Variants in PRSS23 observed in about 807,000 individuals in gnomAD.
The protein encoded by PRSS23 is serine protease 23.
Under a neutral mutation model 34.7 loss-of-function variants are expected in PRSS23, and 25 were observed. The observed-to-expected ratio is 0.72, with a 90% CI of 0.53 to 1.01. The LOEUF (loss-of-function observed/expected upper bound fraction) is 1.01, where lower values mean the gene tolerates loss of function less well. Ranked by LOEUF, PRSS23 falls within the 50% of genes least tolerant of loss-of-function variation. PRSS23 has a pLI of 0.00. For synonymous variants in PRSS23, 176 were observed against 186.6 expected, an observed-to-expected ratio of 0.94 and a Z score of 0.46; for missense variants, 445 against 475.6, an observed-to-expected ratio of 0.94 and a Z score of 0.60.
intron 2 of PRSS23, chr11:86,934,201 C>G (rs918418409): frequency 2.0e-5 from 3 of 152,176 alleles, no homozygotes; most frequent in Non-Finnish European, 2.9e-5. Flanking sequence ...CAAACCCATA[C>G]TCTCTCACCG....
chr11:86,799,085 G>C (rs1358636783), upstream of PRSS23, among the ~76,000 whole-genome samples: 1 of 152,108 alleles, frequency 6.6e-6, no homozygotes, highest in African/African-American at 2.4e-5. Flanking sequence ...GAAAATATCA[G>C]TTTCCTTTCT....
At chr11:86,844,563 T>G (rs11234826) in intron 2 of PRSS23, among the ~76,000 whole-genome samples, 2,589 of 152,338 alleles carry the variant, frequency 0.017, 77 homozygotes, top group South Asian at 0.092. Flanking sequence ...GTCTAAAATG[T>G]GTGTCAGTCC....
intron 2 of PRSS23, among the ~76,000 whole-genome samples, chr11:86,898,070 A>G (rs1232716141): frequency 6.6e-6 from 1 of 152,214 alleles, no homozygotes; most frequent in Non-Finnish European, 1.5e-5. Context: ...TTAACACCAA[A>G]TCTCTGATTT....
rs772195655 is a variant in PRSS23, at chr11:86,807,877, C to T, written c.234C>T (p.Tyr78=). Residue 78 remains tyrosine (Y), a synonymous_variant, in exon 2 of 2, where the codon TAC becomes TAT. Coordinates refer to ENST00000280258, the MANE Select transcript of PRSS23 (RefSeq NM_007173.6). ...ATAAGGGAACTCCACTGCCCACTTA[C>T]GAAGAGGCCAAGCAATATCTGTCTT... ...QCHKGTPLPT[Y]EEAKQYLSYE... The T allele has an allele frequency of 4.3e-6, 7 of 1,614,126 alleles. No homozygotes were observed. The highest frequency in any genetic ancestry group is 3.3e-5 in the South Asian group (3 of 91,064).
At chr11:86,916,185 G>A (rs1690553779) in intron 2 of PRSS23, among the ~76,000 whole-genome samples, 1 of 152,134 alleles carries the variant, frequency 6.6e-6, no homozygotes, top group Admixed American at 6.5e-5. Flanking sequence ...ACATCAAAAT[G>A]TTAAAGTGAT....
At chr11:86,878,343 G>A (rs1007666975) in intron 2 of PRSS23, among the ~76,000 whole-genome samples, 1 of 151,570 alleles carries the variant, frequency 6.6e-6, no homozygotes, top group Non-Finnish European at 1.5e-5. Context: ...CTGCCATCTC[G>A]GCTCACTGCA....
chr11:86,939,393 T>TAAAAAA (rs778076028), intron 2 of PRSS23, among the ~76,000 whole-genome samples: 1,715 of 83,502 alleles, frequency 0.021, 34 homozygotes, highest in South Asian at 0.03. Flanking sequence ...ATTTCTCAGT[T>TAAAAAA]AAAAAAAAAA....
chr11:86,939,933 T>C (rs1423626984), intron 2 of PRSS23, among the ~76,000 whole-genome samples: 4 of 152,094 alleles, frequency 2.6e-5, no homozygotes, highest in Non-Finnish European at 5.9e-5. Flanking sequence ...GTTAGGCAAT[T>C]CACAGTAGTT....
At chr11:86,894,229 C>G (rs765116467) in intron 2 of PRSS23, among the ~76,000 whole-genome samples, 15 of 152,158 alleles carry the variant, frequency 9.9e-5, no homozygotes, top group Non-Finnish European at 2.2e-4. Context: ...AAGCTGGTCT[C>G]AAACTCCTGA....
intron 2 of PRSS23, among the ~76,000 whole-genome samples, chr11:86,859,134 T>C (rs1021901840): frequency 6.6e-6 from 1 of 151,762 alleles, no homozygotes; most frequent in Non-Finnish European, 1.5e-5. Flanking sequence ...GGGAAGAGGA[T>C]GATATTGCTC....
chr11:86,795,150 A>T (rs528222966), intron 1 of PRSS23, among the ~76,000 whole-genome samples: 1 of 152,298 alleles, frequency 6.6e-6, no homozygotes, highest in East Asian at 1.9e-4. Context: ...AGTTTGATTT[A>T]TTCATTTATT....
intron 2 of PRSS23, among the ~76,000 whole-genome samples, chr11:86,852,902 G>A (rs541475465): frequency 6.6e-6 from 1 of 152,306 alleles, no homozygotes; most frequent in East Asian, 1.9e-4. Context: ...CGCCCAGGCT[G>A]GAGTGCAGTG....
chr11:86,935,478 T>G (rs183977921), intron 2 of PRSS23: 8 of 152,276 alleles, frequency 5.3e-5, no homozygotes, highest in African/African-American at 1.4e-4. Context: ...GTGTATGGCA[T>G]TTTTTTGTCT....
At chr11:86,811,802 G>T (rs1311713065), downstream of PRSS23, among the ~76,000 whole-genome samples, 1 of 152,068 alleles carries the variant, frequency 6.6e-6, no homozygotes, top group Non-Finnish European at 1.5e-5. Flanking sequence ...TGCAGAACTT[G>T]TTAAGAATGA....
chr11:86,792,654 A>G (rs193020994), intron 1 of PRSS23, among the ~76,000 whole-genome samples: 1 of 152,356 alleles, frequency 6.6e-6, no homozygotes, highest in African/African-American at 2.4e-5. Flanking sequence ...AGAAAGTTAC[A>G]GAAAGTGTTA....
intron 1 of PRSS23, among the ~76,000 whole-genome samples, chr11:86,793,979 C>G (rs769482442): frequency 2.3e-4 from 35 of 152,050 alleles, no homozygotes; most frequent in Non-Finnish European, 3.1e-4. Flanking sequence ...GGTTTGGAAG[C>G]CTTCAGAGAA....
intron 2 of PRSS23, among the ~76,000 whole-genome samples, chr11:86,859,174 T>C (rs1269791261): frequency 2.6e-5 from 4 of 152,012 alleles, no homozygotes; most frequent in Non-Finnish European, 5.9e-5. Context: ...CACCCCCCTG[T>C]GATCTTGTTC....
intron 1 of PRSS23, among the ~76,000 whole-genome samples, chr11:86,804,448 C>T (rs553992277): frequency 6.6e-6 from 1 of 152,272 alleles, no homozygotes; most frequent in South Asian, 2.1e-4. Context: ...AGTCTTATCA[C>T]ACAAGTTAGT....
intron 2 of PRSS23, among the ~76,000 whole-genome samples, chr11:86,825,968 T>A (rs1948297013): frequency 6.6e-6 from 1 of 152,222 alleles, no homozygotes; most frequent in Admixed American, 6.5e-5. Context: ...ATGCGGGATC[T>A]TTTTGGTTCC....
Sources: gnomAD v4.1 joint callset for allele counts (sites outside exome capture counted in the v4.1 genomes callset) on GRCh38, gnomAD v4.1.1 for gene constraint, MANE v1.5 for transcripts, NCBI Gene and HGNC (gene_info 2026-07-23, HGNC 2026-07-21) for gene names.